GABRG3: variants seen among roughly 807,000 people sequenced by gnomAD.
GABRG3 encodes gamma-aminobutyric acid type A receptor subunit gamma3.
A neutral mutation model predicts 48.8 loss-of-function variants in GABRG3; 25 were observed. The observed-to-expected ratio is 0.51, with a 90% CI of 0.37 to 0.72. GABRG3 has a LOEUF of 0.72. GABRG3 is among the 30% of genes least tolerant of loss of function. The pLI is 0.00. For synonymous variants in GABRG3, 227 were observed against 217.6 expected (o/e 1.04, Z -0.38); for missense variants, 394 against 577.9 (o/e 0.68, Z 3.26).
intron 5 of GABRG3, among the ~76,000 whole-genome samples, chr15:27,370,227 T>C (rs1298263589): frequency 1.3e-5 from 2 of 152,184 alleles, no homozygotes; most frequent in Non-Finnish European, 2.9e-5. Flanking sequence ...TCCTGAAGTA[T>C]CTTTCAGCTT....
At chr15:27,305,637 T>TAC (rs1491128627) in intron 3 of GABRG3, among the ~76,000 whole-genome samples, 18 of 136,112 alleles carry the variant, frequency 1.3e-4, no homozygotes, top group Admixed American at 2.3e-4. Context: ...AATATAAACC[T>TAC]ATATGTTTAT....
chr15:27,101,789 A>G (rs1168314946), intron 3 of GABRG3, among the ~76,000 whole-genome samples: 1 of 147,388 alleles, frequency 6.8e-6, no homozygotes, highest in Non-Finnish European at 1.5e-5. Context: ...GGAAGACCAC[A>G]ATTGTCTTAG....
chr15:27,191,612 G>A (rs937465423), intron 3 of GABRG3, among the ~76,000 whole-genome samples: 2 of 152,126 alleles, frequency 1.3e-5, no homozygotes, highest in Non-Finnish European at 2.9e-5. Context: ...GAGCCTATGT[G>A]TGTCTCTGCA....
At chr15:27,328,741 G>A (rs955542870) in intron 4 of GABRG3, 65 bp from the exon 5 acceptor site, 29 of 1,425,432 alleles carry the variant, frequency 2.0e-5, no homozygotes, top group South Asian at 7.0e-5. Flanking sequence ...ATGGGGTGCC[G>A]TAACGGCCGC....
intron 3 of GABRG3, among the ~76,000 whole-genome samples, chr15:27,321,096 C>T (rs1208904727): frequency 6.6e-6 from 1 of 152,216 alleles, no homozygotes; most frequent in African/African-American, 2.4e-5. Flanking sequence ...ACCTTTCCAA[C>T]TTCAGCCTGG....
At chr15:27,449,319 T>C (rs1889039907) in intron 5 of GABRG3, among the ~76,000 whole-genome samples, 1 of 152,134 alleles carries the variant, frequency 6.6e-6, no homozygotes, top group African/African-American at 2.4e-5. Flanking sequence ...CTGACCTCTC[T>C]CAGGAAGGCT....
At chr15:27,440,102 G>A (rs951674341) in intron 5 of GABRG3, among the ~76,000 whole-genome samples, 3 of 152,094 alleles carry the variant, frequency 2.0e-5, no homozygotes, top group African/African-American at 7.2e-5. Context: ...GTGCTTCGAG[G>A]TGCTGATCTT....
intron 5 of GABRG3, among the ~76,000 whole-genome samples, chr15:27,346,092 AAGAAAGG>A (rs1566797084): frequency 7.0e-6 from 1 of 142,762 alleles, no homozygotes; most frequent in African/African-American, 2.6e-5. Flanking sequence ...GAGAGAAAGA[AAGAAAGG>A]AAAGAAAGAG....
At chr15:27,234,738 T>C (rs1889902715) in intron 3 of GABRG3, among the ~76,000 whole-genome samples, 1 of 152,170 alleles carries the variant, frequency 6.6e-6, no homozygotes, top group Non-Finnish European at 1.5e-5. Flanking sequence ...AAGTGGCTTC[T>C]CTTATGGATG....
At chr15:27,372,132 T>C (rs938503206) in intron 5 of GABRG3, among the ~76,000 whole-genome samples, 1 of 152,174 alleles carries the variant, frequency 6.6e-6, no homozygotes, top group Non-Finnish European at 1.5e-5. Context: ...AACTCAGCAT[T>C]AAGCTTTAAG....
chr15:27,027,657 T>C (rs924745886), intron 3 of GABRG3, among the ~76,000 whole-genome samples: 5 of 152,226 alleles, frequency 3.3e-5, no homozygotes, highest in Non-Finnish European at 5.9e-5. Flanking sequence ...AAGGGTTCCA[T>C]GCAGGGGTAA....
intron 2 of GABRG3, among the ~76,000 whole-genome samples, chr15:26,982,649 C>T (rs988654852): frequency 2.6e-5 from 4 of 152,084 alleles, no homozygotes; most frequent in African/African-American, 9.7e-5. Flanking sequence ...GTGAATTTCC[C>T]AAATAAAACA....
intron 5 of GABRG3, chr15:27,366,538 G>A (rs1216328040): frequency 1.3e-5 from 2 of 152,194 alleles, no homozygotes; most frequent in Non-Finnish European, 2.9e-5. Flanking sequence ...TGTCTGCGGG[G>A]TAGGTCTTTT....
At chr15:27,274,960 G>A (rs1030857289) in intron 3 of GABRG3, among the ~76,000 whole-genome samples, 4 of 152,028 alleles carry the variant, frequency 2.6e-5, no homozygotes, top group African/African-American at 9.7e-5. Flanking sequence ...AGTGTTTTTG[G>A]TAGACATAAA....
intron 3 of GABRG3, among the ~76,000 whole-genome samples, chr15:27,104,508 C>T (rs1173296782): frequency 6.6e-6 from 1 of 152,210 alleles, no homozygotes; most frequent in Non-Finnish European, 1.5e-5. Context: ...CTCTCATTCA[C>T]TCACTCACTC....
At chr15:27,281,552 G>T (rs1261185869) in intron 3 of GABRG3, among the ~76,000 whole-genome samples, 1 of 149,882 alleles carries the variant, frequency 6.7e-6, no homozygotes, top group African/African-American at 2.5e-5. Context: ...TTTTTTAAAT[G>T]GTTTCTCTGG....
intron 3 of GABRG3, among the ~76,000 whole-genome samples, chr15:27,191,793 G>T (rs1038805768): frequency 5.3e-5 from 8 of 151,442 alleles, no homozygotes; most frequent in Admixed American, 2.0e-4. Context: ...TATCTTGCTC[G>T]CTAGTTGATG....
Position 27,180,893 on chromosome 15 carries a change from A to G in GABRG3, c.271-145916A>G, listed in dbSNP as rs1323668939. 2.0e-5 allele frequency among the ~76,000 whole-genome samples: 3 copies of G among 151,980 alleles called. No individual in the cohort carries two copies. The highest frequency in any genetic ancestry group is 4.4e-5 in the Non-Finnish European group (3 of 68,002). On this transcript the variant is annotated intron_variant, in intron 3 of 9. Transcript: ENST00000615808. The surrounding 1 kb of genome is among the most constrained non-coding windows in gnomAD (Gnocchi z 4.2). ...GGAGGCTTGGACTAACCAATCTAAC[A>G]CAGGATTATCGTTCCAGTTTAGTAT...
intron 3 of GABRG3, among the ~76,000 whole-genome samples, chr15:27,046,195 G>C (rs1282806935): frequency 1.3e-5 from 2 of 152,122 alleles, no homozygotes; most frequent in African/African-American, 4.8e-5. Context: ...CGGGGTTCAA[G>C]TGATTCTCCT....
Sources: allele counts gnomAD v4.1 joint callset (sites outside exome capture counted in the v4.1 genomes callset), GRCh38; gene constraint gnomAD v4.1.1; non-coding constraint Gnocchi (gnomAD v3.1); transcripts MANE v1.5; gene names NCBI Gene and HGNC (gene_info 2026-07-23, HGNC 2026-07-21).